SORBS2: variants seen among roughly 807,000 people sequenced by gnomAD.
SORBS2 encodes sorbin and SH3 domain-containing protein 2.
Under a neutral mutation model 97.7 loss-of-function variants are expected in SORBS2, and 46 were observed. The observed-to-expected ratio is 0.47, with a 90% confidence interval of 0.37 to 0.60. The LOEUF is 0.60. SORBS2 is among the 20% of genes least tolerant of loss of function. The pLI, the probability that SORBS2 is intolerant of heterozygous loss-of-function variation, is 0.00. For synonymous variants in SORBS2, 476 were observed against 473.4 expected (o/e 1.01, Z -0.07); for missense variants, 1,316 against 1,282.3 (o/e 1.03, Z -0.40).
intron 2 of SORBS2, among the ~76,000 whole-genome samples, chr4:185,729,261 G>T (rs1198374985): frequency 6.6e-6 from 1 of 152,190 alleles, no homozygotes; most frequent in Non-Finnish European, 1.5e-5. Context: ...TAACTTTTAA[G>T]TCTGCATATT....
intron 4 of SORBS2, among the ~76,000 whole-genome samples, chr4:185,637,853 G>A (rs10006116): frequency 0.96 from 145,365 of 152,190 alleles, 69,465 homozygotes; most frequent in East Asian, 1. Context: ...TGAATTAGAT[G>A]TAAAGAAATC....
chr4:185,801,624 AAACTATCT>A, intron 1 of SORBS2, among the ~76,000 whole-genome samples: 1 of 152,082 alleles, frequency 6.6e-6, no homozygotes, highest in East Asian at 1.9e-4. Context: ...CTTCTTTGGA[AAACTATCT>A]ATGCTGGCCC....
intron 2 of SORBS2, among the ~76,000 whole-genome samples, chr4:185,751,351 C>T (rs772708300): frequency 8.6e-5 from 13 of 151,790 alleles, no homozygotes; most frequent in Non-Finnish European, 1.5e-4. Context: ...CAAACCGAAA[C>T]GAGACAGGCT....
At chr4:185,827,741 CCAT>C (rs1185543217) in intron 1 of SORBS2, among the ~76,000 whole-genome samples, 1 of 23,850 alleles carries the variant, frequency 4.2e-5, no homozygotes, top group Non-Finnish European at 1.0e-4. Flanking sequence ...ATCATCATCA[CCAT>C]CATCACCATC....
chr4:185,657,684 TA>T, upstream of SORBS2: 1 of 1,181,960 alleles, frequency 8.5e-7, no homozygotes, highest in South Asian at 1.4e-5. Context: ...ATGCCAACTG[TA>T]ACACAGAGAC....
intron 2 of SORBS2, among the ~76,000 whole-genome samples, chr4:185,753,360 T>C (rs1410737467): frequency 6.6e-6 from 1 of 152,200 alleles, no homozygotes; most frequent in Middle Eastern, 3.2e-3. Flanking sequence ...GAATTAGAAA[T>C]TGCATAAGGA....
intron 12 of SORBS2, among the ~76,000 whole-genome samples, chr4:185,603,224 A>AAGCTT (rs2096309948): frequency 6.6e-6 from 1 of 152,092 alleles, no homozygotes; most frequent in African/African-American, 2.4e-5. Context: ...CTTATTGACT[A>AAGCTT]AGCTTAAAAA....
intron 2 of SORBS2, among the ~76,000 whole-genome samples, chr4:185,769,438 T>A (rs2098956442): frequency 6.6e-6 from 1 of 152,214 alleles, no homozygotes; most frequent in Non-Finnish European, 1.5e-5. Flanking sequence ...TTGCTACCAA[T>A]AAGCAATCAT....
At chr4:185,659,365 CT>C (rs2097472194), upstream of SORBS2, among the ~76,000 whole-genome samples, 1 of 152,098 alleles carries the variant, frequency 6.6e-6, no homozygotes, top group South Asian at 2.1e-4. Flanking sequence ...TTCTTTCCCC[CT>C]GCTACTGGCC....
chr4:185,715,554 A>G (rs1485629332), intron 2 of SORBS2, among the ~76,000 whole-genome samples: 2 of 152,274 alleles, frequency 1.3e-5, no homozygotes, highest in East Asian at 1.9e-4. Flanking sequence ...AGTTAACTCT[A>G]TTTTTCCCTA....
At chr4:185,776,629 C>T (rs556691917) in intron 1 of SORBS2, among the ~76,000 whole-genome samples, 115 of 152,074 alleles carry the variant, frequency 7.6e-4, no homozygotes, top group Non-Finnish European at 1.3e-3. Flanking sequence ...AAAAAACTGC[C>T]GGTGGCTCAG....
chr4:185,597,851 C>T (rs9991068), intron 12 of SORBS2, among the ~76,000 whole-genome samples: 1 of 152,034 alleles, frequency 6.6e-6, no homozygotes, highest in Non-Finnish European at 1.5e-5. Flanking sequence ...TATCCAAGTT[C>T]CCAAGGCTGG....
chr4:185,897,828 G>A (rs886936508), intron 1 of SORBS2, among the ~76,000 whole-genome samples: 1 of 152,132 alleles, frequency 6.6e-6, no homozygotes, highest in Admixed American at 6.5e-5. Context: ...CCTGAGGTCA[G>A]GAGTTCAAGA....
At chr4:185,955,703 CA>C (rs2099279208) in intron 1 of SORBS2, among the ~76,000 whole-genome samples, 1 of 152,126 alleles carries the variant, frequency 6.6e-6, no homozygotes. Flanking sequence ...TGAAAATATG[CA>C]GTGTTCATTT....
intron 1 of SORBS2, among the ~76,000 whole-genome samples, chr4:185,943,255 C>T (rs953888989): frequency 6.6e-6 from 1 of 152,130 alleles, no homozygotes; most frequent in Non-Finnish European, 1.5e-5. Flanking sequence ...TAGGATATTC[C>T]ACATAGTAAC....
chr4:185,651,494 G>A, intron 2 of SORBS2, among the ~76,000 whole-genome samples: 1 of 152,052 alleles, frequency 6.6e-6, no homozygotes, highest in Admixed American at 6.5e-5. Flanking sequence ...TTGTACCCTG[G>A]GTTACAGTGT....
At chr4:185,786,376 T>C (rs1561020142) in intron 1 of SORBS2, among the ~76,000 whole-genome samples, 1 of 152,180 alleles carries the variant, frequency 6.6e-6, no homozygotes, top group Non-Finnish European at 1.5e-5. Context: ...GAATGGACTT[T>C]GTAAGGCCCT....
At chr4:185,639,892 G>GA (rs962163153) in intron 4 of SORBS2, among the ~76,000 whole-genome samples, 63 of 152,168 alleles carry the variant, frequency 4.1e-4, no homozygotes, top group African/African-American at 1.5e-3. Context: ...TCTTGGTTGT[G>GA]AAAAAAATGC....
At chr4:185,709,304 C>CTTTTTTTTTT (rs70962587) in intron 2 of SORBS2, among the ~76,000 whole-genome samples, 18 of 96,756 alleles carry the variant, frequency 1.9e-4, no homozygotes, top group African/African-American at 4.1e-4. Flanking sequence ...CTGGCCAAAT[C>CTTTTTTTTTT]TTTTTTTTTT....
Sources: gnomAD v4.1 joint callset for allele counts (sites outside exome capture counted in the v4.1 genomes callset) on GRCh38, gnomAD v4.1.1 for gene constraint, MANE v1.5 for transcripts, NCBI Gene and HGNC (gene_info 2026-07-23, HGNC 2026-07-21) for gene names.